The following TTF1 variants were observed in gnomAD, a reference collection of about 807,000 sequenced individuals.
The protein encoded by TTF1 is transcription termination factor, RNA polymerase I.
Under a neutral mutation model 80.2 loss-of-function variants are expected in TTF1, and 64 were observed. That is an observed-to-expected ratio of 0.80 (90% confidence interval 0.65 to 0.98). The LOEUF is 0.98. TTF1 is among the 50% of genes least tolerant of loss of function. The pLI is 0.00. For synonymous variants in TTF1, 372 were observed against 382.7 expected (o/e 0.97, Z 0.33); for missense variants, 1,023 against 1,086.2 (o/e 0.94, Z 0.82).
intron 8 of TTF1, 65 bp from the exon 9 acceptor site, chr9:132,386,686 G>A (rs531397182): frequency 8.2e-5 from 110 of 1,333,342 alleles, no homozygotes; most frequent in East Asian, 4.7e-4. Flanking sequence ...CTTCATGGAC[G>A]CGTGGAGTGC....
intron 10 of TTF1, among the ~76,000 whole-genome samples, chr9:132,377,625 G>A (rs796298288): frequency 0.034 from 1,473 of 43,474 alleles, 199 homozygotes; most frequent in Non-Finnish European, 0.052. Flanking sequence ...TGTGGTGTGA[G>A]TGCATGTGGT....
chr9:132,402,147 CTTTTTCT>C lies in TTF1; in HGVS notation c.668_674del (p.Lys223SerfsTer43). 2 of 1,614,020 alleles carry C rather than the reference CTTTTTCT, an allele frequency of 1.2e-6. No individual in the cohort carries two copies. The highest frequency in any genetic ancestry group is 8.5e-7 in the Non-Finnish European group (1 of 1,180,012). On this transcript the variant is annotated frameshift_variant, in exon 2 of 11. Transcript: ENST00000334270. LOFTEE classifies it high-confidence loss of function. ...GTGTCTCATATTCCCGGTTACTGGA[CTTTTTCT>C]TTTTTTTCTTAGACTTGTTTTTATG... is the stretch of plus-strand genomic sequence containing the variant.
chr9:132,397,997 AAAG>A (rs1849684044), intron 4 of TTF1, 141 bp downstream of exon 4: 1 of 628,494 alleles, frequency 1.6e-6, no homozygotes, highest in Non-Finnish European at 2.5e-6. Context: ...AAAAAAAAAA[AAAG>A]AATATCATCA....
intron 4 of TTF1, among the ~76,000 whole-genome samples, chr9:132,396,847 T>C (rs1490042491): frequency 1.3e-5 from 2 of 151,964 alleles, no homozygotes; most frequent in South Asian, 2.1e-4. Flanking sequence ...TTTATATTTT[T>C]AGTAGGGACG....
chr9:132,406,240 G>C (rs544907807), intron 1 of TTF1, among the ~76,000 whole-genome samples: 1 of 152,184 alleles, frequency 6.6e-6, no homozygotes, highest in African/African-American at 2.4e-5. Context: ...CTGCTCCCGG[G>C]TGGGCGCTCC....
chr9:132,400,122 T>G lies in TTF1; in HGVS notation c.1504A>C (p.Ile502Leu). 4 of 1,614,188 alleles carry G rather than the reference T, an allele frequency of 2.5e-6. No individual in the cohort carries two copies. Among genetic ancestry groups the G allele is most frequent in the Non-Finnish European group, 3.4e-6 (4 of 1,180,046 alleles). Residue 502 changes from isoleucine to leucine, a missense_variant, in exon 3 of 11, where the codon ATT becomes CTT. Ile to Leu is a conservative substitution (Grantham distance 5, BLOSUM62 2). Transcript: ENST00000334270. ...GTGGCCCTGTCCTTGATGTTAGGAA[T>G]GAACTCCTGAAGCTGTTTCACGGCA... The part of the protein sequence containing the change: ...GSAVKQLQEF[I>L]PNIKDRATST...
intron 3 of TTF1, among the ~76,000 whole-genome samples, chr9:132,399,710 T>TA (rs1849724102): frequency 6.6e-6 from 1 of 152,202 alleles, no homozygotes; most frequent in Non-Finnish European, 1.5e-5. Context: ...GACAGCATTT[T>TA]AATTTTATAT....
chr9:132,383,427 A>G (rs1849406167), intron 9 of TTF1, among the ~76,000 whole-genome samples: 2 of 152,174 alleles, frequency 1.3e-5, no homozygotes, highest in South Asian at 4.1e-4. Context: ...ATGTAAAATA[A>G]CATCCTTGCT....
intron 5 of TTF1, among the ~76,000 whole-genome samples, chr9:132,394,364 C>G (rs958688877): frequency 1.3e-5 from 2 of 152,020 alleles, no homozygotes; most frequent in African/African-American, 4.8e-5. Context: ...ACAGCAACCT[C>G]TGCCTCACAG....
At chr9:132,393,612 C>G (rs1273740147) in intron 5 of TTF1, among the ~76,000 whole-genome samples, 7 of 152,198 alleles carry the variant, frequency 4.6e-5, no homozygotes, top group African/African-American at 1.7e-4. Flanking sequence ...GTGGGTAAAT[C>G]TCTGTTCGGG....
rs1209221322 is a variant in TTF1 at position 132,390,810 on chromosome 9, C to T, written c.2009G>A (p.Ser670Asn). Reference sequence around the variant, plus strand: ...GATTAGTTTCCGGGTTTCAGACTTACTCCAAGCACCACGATTTCTTTCTGT... The same window carrying T: ...GATTAGTTTCCGGGTTTCAGACTTATTCCAAGCACCACGATTTCTTTCTGT... ...ISSQRNRGAW[S>N]KSETRKLIKA... Residue 670 changes from serine (S) to asparagine (N), a missense_variant, in exon 7 of 11, where the codon AGT (serine) becomes AAT (asparagine). By Grantham distance (46) the Ser-to-Asn change is conservative. Coordinates refer to ENST00000334270, the MANE Select transcript of TTF1 (RefSeq NM_007344.4). 10 of 1,613,932 alleles carry T rather than the reference C, an allele frequency of 6.2e-6. No individual in the cohort carries two copies. Among genetic ancestry groups the T allele is most frequent in the Admixed American group, 3.3e-5 (2 of 59,976 alleles).
rs756078810 is a variant in TTF1 at position 132,390,694 on chromosome 9, G to A, written c.2125C>T (p.Leu709=). 6.2e-7 allele frequency: 1 copy of A among 1,614,174 alleles called. No individual in the cohort carries two copies. The highest frequency in any genetic ancestry group is 8.5e-7 in the Non-Finnish European group (1 of 1,180,040). Residue 709 remains leucine, a synonymous_variant, in exon 7 of 11, where the codon CTA becomes TTA. Transcript: ENST00000334270. ...SKLQENPESC[L]SIVREKLYKG... is the part of the protein sequence containing the mutation. ...TAGAGTTTTTCCCGAACAATTGATA[G>A]GCAACTTTCAGGATTTTCTTGGAGT...
rs1056447001 is a variant in TTF1 at position 132,401,750 on chromosome 9, G to A, written c.1072C>T (p.Pro358Ser). 2.5e-5 allele frequency: 41 copies of A among 1,613,856 alleles called. No homozygotes were observed. Among genetic ancestry groups the A allele is most frequent in the Non-Finnish European group, 3.3e-5 (39 of 1,180,002 alleles). The change falls in exon 2 of 11, where the codon CCT (proline) becomes TCT (serine). Residue 358 changes from proline to serine, a missense_variant. Coordinates refer to ENST00000334270, the MANE Select transcript of TTF1 (RefSeq NM_007344.4). ...TCACTGCCCACCTGTGATCCTTCAG[G>A]GTATGCACTCTCGAGGCTCTCAGGC... Reference protein sequence around the residue: ...AMPESLESAYPEGSQVGSEVG... With the variant: ...AMPESLESAYSEGSQVGSEVG...
At chr9:132,391,654 T>G (rs1849560468) in intron 6 of TTF1, among the ~76,000 whole-genome samples, 1 of 152,030 alleles carries the variant, frequency 6.6e-6, no homozygotes, top group Admixed American at 6.6e-5. Context: ...AAGGAAACCT[T>G]TTAGGAAAGA....
At chr9:132,387,348 G>C (rs931145548) in intron 8 of TTF1, among the ~76,000 whole-genome samples, 3 of 152,168 alleles carry the variant, frequency 2.0e-5, no homozygotes, top group East Asian at 3.8e-4. Flanking sequence ...ATGGGCTCCA[G>C]ATTGCATGAC....
chr9:132,404,449 G>A (rs569690268), intron 1 of TTF1, among the ~76,000 whole-genome samples: 217 of 152,000 alleles, frequency 1.4e-3, no homozygotes, highest in African/African-American at 5.1e-3. Flanking sequence ...ATTTCCTTCC[G>A]TTATAGGAAG....
intron 8 of TTF1, 147 bp downstream of exon 8, chr9:132,387,992 G>A: frequency 1.8e-6 from 1 of 548,130 alleles, no homozygotes; most frequent in Non-Finnish European, 3.3e-6. Context: ...ACTTAGAAGG[G>A]TAGGTCATAT....
chr9:132,402,312 C>A lies in TTF1; in HGVS notation c.510G>T (p.Lys170Asn). 1 of 1,614,058 alleles carries A rather than the reference C, an allele frequency of 6.2e-7. No individual in the cohort carries two copies. Among genetic ancestry groups the A allele is most frequent in the Non-Finnish European group, 8.5e-7 (1 of 1,179,992 alleles). The change falls in exon 2 of 11, where the codon AAG (lysine) becomes AAT (asparagine). Residue 170 changes from lysine to asparagine, a missense_variant. By Grantham distance (94) the Lys-to-Asn change is moderately conservative. Coordinates refer to ENST00000334270, the MANE Select transcript of TTF1 (RefSeq NM_007344.4). ...CCCAGGATGCAGCTTTCCTCTGATG[C>A]TTTTTATTCTTTTTCTCCCTAACTT... ...HSKVREKKNKKHQRKAASWES... is the reference protein window; with the variant it reads ...HSKVREKKNKNHQRKAASWES...
chr9:132,387,301 A>G (rs188123371), intron 8 of TTF1, among the ~76,000 whole-genome samples: 45 of 152,002 alleles, frequency 3.0e-4, no homozygotes, highest in African/African-American at 1.0e-3. Flanking sequence ...TCCCCCCCCA[A>G]TCTACAGACA....
Sources: allele counts gnomAD v4.1 joint callset (sites outside exome capture counted in the v4.1 genomes callset), GRCh38; gene constraint gnomAD v4.1.1; transcripts MANE v1.5; gene names NCBI Gene and HGNC (gene_info 2026-07-23, HGNC 2026-07-21).